Variants in MRTFB observed in about 807,000 individuals in gnomAD.
The protein encoded by MRTFB is myocardin related transcription factor B.
Under a neutral mutation model 104.2 loss-of-function variants are expected in MRTFB, and 29 were observed. The observed-to-expected ratio is 0.28, with a 90% confidence interval of 0.21 to 0.38. The LOEUF is 0.38. Among genes scored for constraint, MRTFB ranks in the 10% least tolerant of loss-of-function variants. MRTFB has a pLI of 1.00. For missense variants in MRTFB, 1,270 were observed against 1,341.6 expected, an observed-to-expected ratio of 0.95 and a Z score of 0.83; for synonymous variants, 535 against 519.5, an observed-to-expected ratio of 1.03 and a Z score of -0.41.
chr16:14,121,121 T>C (rs1303928207), intron 2 of MRTFB, among the ~76,000 whole-genome samples: 1 of 152,118 alleles, frequency 6.6e-6, no homozygotes. Flanking sequence ...CTGGTTATTG[T>C]GAGTGTTCTT....
chr16:14,015,720 A>C, the MRTFB span: 1 of 386,972 alleles, frequency 2.6e-6, no homozygotes, highest in Non-Finnish European at 4.6e-6. Flanking sequence ...CACACAGCTG[A>C]TCGGTTAATA....
intron 15 of MRTFB, among the ~76,000 whole-genome samples, chr16:14,252,835 A>G (rs1597383813): frequency 2.0e-5 from 3 of 152,114 alleles, no homozygotes; most frequent in Admixed American, 2.0e-4. Context: ...CTTCTTTTCT[A>G]AAGCCACCAT....
chr16:14,017,125 C>T, the MRTFB span, among the ~76,000 whole-genome samples: 1 of 144,636 alleles, frequency 6.9e-6, no homozygotes, highest in Non-Finnish European at 1.5e-5. Context: ...GGAGCAATCT[C>T]GGCTCACTAC....
upstream of MRTFB, among the ~76,000 whole-genome samples, chr16:14,070,427 A>G (rs2033615871): frequency 6.6e-6 from 1 of 152,212 alleles, no homozygotes; most frequent in Admixed American, 6.5e-5. Context: ...TGCTAACATC[A>G]TGTACATTCT....
rs755245215 is a variant in MRTFB at position 14,260,894 on chromosome 16, A to G, written c.2765-15A>G. 2 of 1,568,940 alleles carry G rather than the reference A, an allele frequency of 1.3e-6. No individual in the cohort carries two copies. The highest frequency in any genetic ancestry group is 1.2e-5 in the South Asian group (1 of 84,192). ...TAAATCTTCAGTTACTAATTACTTC[A>G]TTTATTTTACACAGAGATCTCCCTC... On this transcript the variant is annotated splice_polypyrimidine_tract_variant and intron_variant, in intron 16 of 16. Coordinates refer to ENST00000571589, the MANE Select transcript of MRTFB (RefSeq NM_001308142.2).
chr16:14,202,114 C>T (rs1311299202), intron 3 of MRTFB, among the ~76,000 whole-genome samples: 1 of 128,328 alleles, frequency 7.8e-6, no homozygotes, highest in East Asian at 2.2e-4. Context: ...CTACTGTTTA[C>T]AAGGCAAAAA....
rs1301079203 is a variant in MRTFB, at chr16:14,264,589, G to A, written c.*3145G>A. The A allele has an allele frequency of 2.0e-5, 3 of 152,194 alleles. No homozygotes were observed. Among genetic ancestry groups the A allele is most frequent in the Non-Finnish European group, 4.4e-5 (3 of 68,026 alleles). 9.4% of individuals were successfully genotyped at this position (152,194 alleles called of 1,614,324 possible). A position where few individuals can be genotyped will look rare whatever the true frequency, so the allele number is the denominator to read the frequency against. On this transcript the variant is annotated 3_prime_UTR_variant, in exon 17 of 17. Transcript: ENST00000571589. ...AGATACTATTGTGTTTGTTTCATATGAATATTTTTGTAATTCTAAAAGAGA... is the reference window on the plus strand; with the variant it reads ...AGATACTATTGTGTTTGTTTCATATAAATATTTTTGTAATTCTAAAAGAGA...
chr16:14,256,343 G>A (rs1380352137), intron 15 of MRTFB, among the ~76,000 whole-genome samples: 1 of 152,130 alleles, frequency 6.6e-6, no homozygotes. Context: ...GGATATAAAA[G>A]CCAGACTCAA....
intron 2 of MRTFB, among the ~76,000 whole-genome samples, chr16:14,090,882 GTGT>G (rs2035018811): frequency 4.8e-5 from 1 of 20,886 alleles, no homozygotes; most frequent in Non-Finnish European, 2.0e-4. Context: ...TCAGCATGGT[GTGT>G]GTGTGTGTGT....
chr16:14,128,066 T>C (rs1157691315), intron 2 of MRTFB, among the ~76,000 whole-genome samples: 4 of 151,614 alleles, frequency 2.6e-5, no homozygotes, highest in Non-Finnish European at 5.9e-5. Context: ...AAAAGATTTA[T>C]TCTCAAGGCT....
intron 3 of MRTFB, among the ~76,000 whole-genome samples, chr16:14,181,827 G>A (rs2039780905): frequency 6.6e-6 from 1 of 152,110 alleles, no homozygotes; most frequent in South Asian, 2.1e-4. Flanking sequence ...CTGATTCCCT[G>A]AAGACTTTCT....
At chr16:14,024,460 A>T in the MRTFB span, among the ~76,000 whole-genome samples, 1 of 152,230 alleles carries the variant, frequency 6.6e-6, no homozygotes, top group African/African-American at 2.4e-5. Context: ...AAATGGCCAG[A>T]CAATGTAAAT....
At chr16:14,001,897 T>C in the MRTFB span, among the ~76,000 whole-genome samples, 78 of 152,390 alleles carry the variant, frequency 5.1e-4, no homozygotes, top group African/African-American at 1.9e-3. Context: ...CATGAGGCAC[T>C]GTATCCTTGT....
chr16:14,135,630 C>T (rs975537449), intron 2 of MRTFB, among the ~76,000 whole-genome samples: 1 of 152,178 alleles, frequency 6.6e-6, no homozygotes, highest in Non-Finnish European at 1.5e-5. Flanking sequence ...GAATTTATTC[C>T]TGTTTCTGCA....
chr16:14,148,759 C>T, intron 3 of MRTFB: 1 of 152,768 alleles, frequency 6.5e-6, no homozygotes. Flanking sequence ...TGTGTCACAG[C>T]TTGCCCATTA....
intron 3 of MRTFB, among the ~76,000 whole-genome samples, chr16:14,162,360 G>T (rs1184033595): frequency 2.6e-5 from 4 of 151,352 alleles, no homozygotes; most frequent in Admixed American, 6.6e-5. Context: ...AAGATGATGG[G>T]TTTTTTTTAA....
the MRTFB span, among the ~76,000 whole-genome samples, chr16:14,028,501 T>C: frequency 6.6e-6 from 1 of 152,138 alleles, no homozygotes; most frequent in Non-Finnish European, 1.5e-5. Context: ...GGACAGGATC[T>C]CCCCACTGTT....
chr16:14,238,029 A>G (rs1264039838), intron 9 of MRTFB, among the ~76,000 whole-genome samples: 1 of 152,156 alleles, frequency 6.6e-6, no homozygotes. Flanking sequence ...TTTCAGTTAT[A>G]TGAGTACAGG....
At chr16:14,210,531 C>T (rs1463175435) in intron 4 of MRTFB, among the ~76,000 whole-genome samples, 1 of 152,220 alleles carries the variant, frequency 6.6e-6, no homozygotes, top group African/African-American at 2.4e-5. Flanking sequence ...ATATTACACA[C>T]AGAACACCTT....
Sources: allele counts gnomAD v4.1 joint callset (sites outside exome capture counted in the v4.1 genomes callset), GRCh38; gene constraint gnomAD v4.1.1; transcripts MANE v1.5; gene names NCBI Gene and HGNC (gene_info 2026-07-23, HGNC 2026-07-21).